BCL2: variants seen among roughly 807,000 people sequenced by gnomAD.
BCL2 encodes BCL2 apoptosis regulator.
In BCL2, 1 loss-of-function variant was observed where a neutral mutation model predicts 14.2. The ratio of observed to expected loss-of-function variants is 0.07; its 90% confidence interval spans 0.02 to 0.33. The LOEUF is 0.33. BCL2 is among the 10% of genes least tolerant of loss of function. BCL2 has a pLI of 0.99. For missense variants in BCL2, 247 were observed against 305.9 expected (o/e 0.81, Z 1.44); for synonymous variants, 151 against 137.2 (o/e 1.10, Z -0.70).
chr18:63,165,720 G>C (rs1915027591), intron 2 of BCL2, among the ~76,000 whole-genome samples: 1 of 152,222 alleles, frequency 6.6e-6, no homozygotes, highest in Non-Finnish European at 1.5e-5. Context: ...AAAGGGCCCA[G>C]ACACTGGCGG....
chr18:63,258,407 G>T (rs1404733896), intron 2 of BCL2, among the ~76,000 whole-genome samples: 3 of 152,214 alleles, frequency 2.0e-5, no homozygotes, highest in African/African-American at 7.2e-5. Flanking sequence ...GTTCAAAGGT[G>T]TTTCCTCTGG....
chr18:63,227,153 G>T (rs1048384609), intron 2 of BCL2, among the ~76,000 whole-genome samples: 2 of 152,020 alleles, frequency 1.3e-5, no homozygotes, highest in Non-Finnish European at 2.9e-5. Context: ...CAAATCAAAA[G>T]GTAATGAAAT....
chr18:63,217,661 A>T (rs1431926117), intron 2 of BCL2, among the ~76,000 whole-genome samples: 22 of 152,212 alleles, frequency 1.4e-4, no homozygotes, highest in Admixed American at 1.4e-3. Flanking sequence ...CTTTGAGTTC[A>T]GTCCCAGCTT....
At chr18:63,267,422 G>A (rs1911864532) in intron 2 of BCL2, among the ~76,000 whole-genome samples, 1 of 152,200 alleles carries the variant, frequency 6.6e-6, no homozygotes, top group Admixed American at 6.5e-5. Flanking sequence ...AGGAGGTGCA[G>A]TCAGCTGGGC....
At chr18:63,229,884 T>C (rs747120099) in intron 2 of BCL2, among the ~76,000 whole-genome samples, 4 of 152,196 alleles carry the variant, frequency 2.6e-5, no homozygotes, top group Non-Finnish European at 5.9e-5. Context: ...TGCTGTTTCA[T>C]TTACCACATT....
chr18:63,293,758 A>G (rs1956760846), intron 2 of BCL2, among the ~76,000 whole-genome samples: 1 of 152,234 alleles, frequency 6.6e-6, no homozygotes, highest in Non-Finnish European at 1.5e-5. Flanking sequence ...AAGTATAGCC[A>G]GCAACGTGAA....
intron 2 of BCL2, among the ~76,000 whole-genome samples, chr18:63,246,926 A>G (rs535058564): frequency 4.2e-4 from 64 of 152,318 alleles, no homozygotes; most frequent in Middle Eastern, 3.4e-3. Context: ...AATAGCCTCA[A>G]TTAATGATCA....
chr18:63,139,744 A>G (rs565716754), intron 2 of BCL2, among the ~76,000 whole-genome samples: 6 of 152,112 alleles, frequency 3.9e-5, no homozygotes, highest in African/African-American at 1.2e-4. Flanking sequence ...TTTTCTTCCT[A>G]CCTTCCTCAT....
At chr18:63,153,732 A>T (rs993566624) in intron 2 of BCL2, among the ~76,000 whole-genome samples, 17 of 152,212 alleles carry the variant, frequency 1.1e-4, no homozygotes, top group Admixed American at 2.6e-4. Context: ...CAGCAAGAAC[A>T]TCGGACCTTG....
At chr18:63,236,879 A>G (rs139633964) in intron 2 of BCL2, among the ~76,000 whole-genome samples, 77 of 152,268 alleles carry the variant, frequency 5.1e-4, no homozygotes, top group African/African-American at 1.8e-3. Flanking sequence ...TCTTGTTTAA[A>G]ATTGAGGAGT....
At chr18:63,159,797 T>C (rs1297822672) in intron 2 of BCL2, among the ~76,000 whole-genome samples, 3 of 151,908 alleles carry the variant, frequency 2.0e-5, no homozygotes, top group Non-Finnish European at 2.9e-5. Flanking sequence ...TCAGCTGGAG[T>C]TTCTATGAGC....
At chr18:63,276,786 C>T (rs1325821851) in intron 2 of BCL2, among the ~76,000 whole-genome samples, 1 of 152,196 alleles carries the variant, frequency 6.6e-6, no homozygotes, top group Non-Finnish European at 1.5e-5. Flanking sequence ...AACATATGAC[C>T]ACACCATTAT....
chr18:63,199,925 C>T lies in BCL2; in HGVS notation c.586-71166G>A, dbSNP rs372427079. ...ACCAAAACCGTAACAAACAAAACAA[C>T]GCGCACACATGCACACACACACACG... On this transcript the variant is annotated intron_variant, in intron 2 of 2. Coordinates refer to ENST00000333681, the MANE Select transcript of BCL2 (RefSeq NM_000633.3). Among the ~76,000 whole-genome samples, 3 of 151,976 alleles carry T rather than the reference C, an allele frequency of 2.0e-5. No homozygotes were observed. The East Asian group carries it at 5.8e-4, about 29-fold the overall frequency.
intron 2 of BCL2, among the ~76,000 whole-genome samples, chr18:63,193,062 G>A (rs1909330818): frequency 6.6e-6 from 1 of 152,186 alleles, no homozygotes; most frequent in Non-Finnish European, 1.5e-5. Context: ...CAACCGCTGA[G>A]TTCTCAGCCA....
chr18:63,139,362 C>T (rs545760405), intron 2 of BCL2, among the ~76,000 whole-genome samples: 1 of 152,328 alleles, frequency 6.6e-6, no homozygotes, highest in South Asian at 2.1e-4. Context: ...AGACTAAAGG[C>T]CGTATCTATA....
chr18:63,227,966 G>A (rs757971407), intron 2 of BCL2, among the ~76,000 whole-genome samples: 3 of 152,214 alleles, frequency 2.0e-5, no homozygotes, highest in Non-Finnish European at 4.4e-5. Flanking sequence ...CAGTTCTGGA[G>A]GCTGGTAAGT....
At chr18:63,316,612 T>A (rs1913504411) in intron 2 of BCL2, 1 of 152,242 alleles carries the variant, frequency 6.6e-6, no homozygotes, top group Non-Finnish European at 1.5e-5. Flanking sequence ...GCATTTTAGT[T>A]AATCTTACTT....
intron 2 of BCL2, among the ~76,000 whole-genome samples, chr18:63,169,786 G>C (rs748580374): frequency 9.2e-5 from 14 of 152,046 alleles, no homozygotes; most frequent in Non-Finnish European, 1.9e-4. Flanking sequence ...GCCTCCCAAA[G>C]TGCTGGGATT....
At chr18:63,185,235 T>C (rs1462736877) in intron 2 of BCL2, among the ~76,000 whole-genome samples, 3 of 152,240 alleles carry the variant, frequency 2.0e-5, no homozygotes, top group Non-Finnish European at 4.4e-5. Context: ...TGGGTGGCAT[T>C]AATCTTAAAA....
Sources: allele counts gnomAD v4.1 joint callset (sites outside exome capture counted in the v4.1 genomes callset), GRCh38; gene constraint gnomAD v4.1.1; transcripts MANE v1.5; gene names NCBI Gene and HGNC (gene_info 2026-07-23, HGNC 2026-07-21).